RORA: variants seen among roughly 807,000 people sequenced by gnomAD.
The protein encoded by RORA is RAR related orphan receptor A.
Under a neutral mutation model 69.5 loss-of-function variants are expected in RORA, and 7 were observed. That is an observed-to-expected ratio of 0.10 (90% CI 0.06 to 0.19). The LOEUF is 0.19. Ranked by LOEUF, RORA falls within the 10% of genes least tolerant of loss-of-function variation. The probability of loss-of-function intolerance (pLI) is 1.00; values close to 1 mark genes in which losing one functional copy is unlikely to be tolerated. For synonymous variants in RORA, 261 were observed against 240.8 expected (o/e 1.08, Z -0.78); for missense variants, 457 against 663.0 (o/e 0.69, Z 3.41).
intron 2 of RORA, among the ~76,000 whole-genome samples, chr15:60,635,748 C>T (rs967553515): frequency 5.3e-5 from 8 of 152,108 alleles, no homozygotes; most frequent in African/African-American, 9.7e-5. Context: ...AACAGAGACA[C>T]GCTGAAGATC....
At chr15:61,088,791 A>G (rs975103085) in intron 1 of RORA, among the ~76,000 whole-genome samples, 6 of 152,182 alleles carry the variant, frequency 3.9e-5, no homozygotes, top group Admixed American at 1.3e-4. Flanking sequence ...TCTTTAAAAA[A>G]TTCTATCTAA....
chr15:60,627,553 C>T, intron 2 of RORA: 2 of 1,356,946 alleles, frequency 1.5e-6, no homozygotes, highest in Non-Finnish European at 1.9e-6. Flanking sequence ...CAGTGGAATC[C>T]CAGCCACAAA....
At position 60,511,550 on chromosome 15, in the gene RORA, G is replaced by C; in HGVS notation, c.496C>G (p.Gln166Glu). Reference protein sequence around the residue: ...LYAEVQKHRMQQQQRDHQQQP... With the variant: ...LYAEVQKHRMEQQQRDHQQQP... ...TGCTGGTGGTCGCGCTGCTGCTGCT[G>C]CATCCGGTGTTTCTGTACTTCTGCA... Residue 166 changes from glutamine to glutamate, a missense_variant, in exon 5 of 11, where the codon CAG (glutamine) becomes GAG (glutamate). Gln to Glu is a conservative substitution (Grantham distance 29, BLOSUM62 2). Transcript: ENST00000335670. The surrounding 1 kb of genome is among the most constrained non-coding windows in gnomAD (Gnocchi z 6.4). The C allele has an allele frequency of 6.2e-7, 1 of 1,613,980 alleles. No individual in the cohort carries two copies. Among genetic ancestry groups the C allele is most frequent in the Non-Finnish European group, 8.5e-7 (1 of 1,179,902 alleles).
chr15:60,891,036 AG>A (rs1286716641), intron 1 of RORA, among the ~76,000 whole-genome samples: 1 of 152,218 alleles, frequency 6.6e-6, no homozygotes, highest in African/African-American at 2.4e-5. Context: ...CCCACACCAC[AG>A]CTAATGTTCA....
chr15:60,547,827 G>A (rs914709926), intron 2 of RORA: 2 of 152,210 alleles, frequency 1.3e-5, no homozygotes, highest in African/African-American at 2.4e-5. Flanking sequence ...GGCAGTGACA[G>A]CGTTATGGGC....
chr15:60,574,432 C>CGA (rs2067969394), intron 2 of RORA, among the ~76,000 whole-genome samples: 1 of 152,214 alleles, frequency 6.6e-6, no homozygotes, highest in Non-Finnish European at 1.5e-5. Context: ...GCAAGTTCTT[C>CGA]TTCCATCAGC....
intron 1 of RORA, among the ~76,000 whole-genome samples, chr15:61,011,482 T>C (rs1031322000): frequency 6.6e-6 from 1 of 152,142 alleles, no homozygotes; most frequent in Non-Finnish European, 1.5e-5. Flanking sequence ...GTGAGCATAG[T>C]TGGCTTGAAA....
At chr15:60,916,345 G>A (rs990442056) in intron 1 of RORA, among the ~76,000 whole-genome samples, 9 of 152,214 alleles carry the variant, frequency 5.9e-5, no homozygotes, top group African/African-American at 2.2e-4. Context: ...GGAAACAAGG[G>A]AAGAGACCCT....
intron 1 of RORA, among the ~76,000 whole-genome samples, chr15:61,110,393 CA>C (rs11343941): frequency 0.22 from 25,422 of 113,514 alleles, 2,080 homozygotes; most frequent in South Asian, 0.27. Flanking sequence ...GACTCAGTCT[CA>C]AAAAAAAAAA....
At chr15:61,117,908 C>T (rs769547447) in intron 1 of RORA, among the ~76,000 whole-genome samples, 1 of 152,174 alleles carries the variant, frequency 6.6e-6, no homozygotes, top group African/African-American at 2.4e-5. Flanking sequence ...AAAGAATTAG[C>T]TTAAACACCT....
chr15:60,916,816 G>C (rs970074659), intron 1 of RORA, among the ~76,000 whole-genome samples: 1 of 152,166 alleles, frequency 6.6e-6, no homozygotes, highest in Non-Finnish European at 1.5e-5. Context: ...TTAACTGCAC[G>C]GTGAGCCCTG....
intron 1 of RORA, among the ~76,000 whole-genome samples, chr15:60,787,825 A>G (rs1182225064): frequency 6.6e-6 from 1 of 152,242 alleles, no homozygotes; most frequent in Non-Finnish European, 1.5e-5. Context: ...CAAGGCATTG[A>G]GGAAAGAGTG....
In RORA at chr15:60,780,343, G is replaced by A. The variant is rs75526703; in HGVS notation, c.167-101657C>T. On this transcript the variant is annotated intron_variant, in intron 1 of 10. Transcript: ENST00000335670. ...GTTCCACATGGACTGGTGATGTGCA[G>A]ACAGGCCTGGGAACCACTGGGCTGG... Among the ~76,000 whole-genome samples, 1,116 of 152,284 alleles carry A rather than the reference G, an allele frequency of 7.3e-3. 24 individuals are homozygous for A. The highest frequency in any genetic ancestry group is 0.025 in the African/African-American group (1,030 of 41,548).
intron 1 of RORA, among the ~76,000 whole-genome samples, chr15:61,186,640 CAAAAAAAAAA>C (rs58380679): frequency 4.1e-4 from 28 of 67,588 alleles, no homozygotes; most frequent in African/African-American, 9.5e-4. Flanking sequence ...GACCCTGACT[CAAAAAAAAAA>C]AAAAAAAAAA....
At chr15:60,574,436 C>T (rs2067969532) in intron 2 of RORA, among the ~76,000 whole-genome samples, 1 of 152,188 alleles carries the variant, frequency 6.6e-6, no homozygotes, top group Admixed American at 6.5e-5. Context: ...GTTCTTCTTC[C>T]ATCAGCCCCC....
chr15:61,150,743 A>G (rs1436494271), intron 1 of RORA, among the ~76,000 whole-genome samples: 1 of 152,196 alleles, frequency 6.6e-6, no homozygotes, highest in Admixed American at 6.5e-5. Context: ...AAACATATGG[A>G]AAGCAGTTTG....
intron 1 of RORA, among the ~76,000 whole-genome samples, chr15:61,202,808 T>C (rs962092896): frequency 1.3e-5 from 2 of 152,014 alleles, no homozygotes; most frequent in African/African-American, 4.8e-5. Context: ...AGTAGGCCCA[T>C]ATGAGAAGCT....
intron 1 of RORA, among the ~76,000 whole-genome samples, chr15:60,831,625 T>C (rs1758398932): frequency 6.6e-6 from 1 of 152,150 alleles, no homozygotes; most frequent in African/African-American, 2.4e-5. Flanking sequence ...CCCCACCTCA[T>C]TTGGGTATTT....
intron 1 of RORA, among the ~76,000 whole-genome samples, chr15:61,219,531 C>T (rs972897450): frequency 1.3e-5 from 2 of 152,046 alleles, no homozygotes; most frequent in African/African-American, 4.8e-5. Context: ...GCAGACATCA[C>T]GCCACTGCAC....
Sources: allele counts gnomAD v4.1 joint callset (sites outside exome capture counted in the v4.1 genomes callset), GRCh38; gene constraint gnomAD v4.1.1; non-coding constraint Gnocchi (gnomAD v3.1); transcripts MANE v1.5; gene names NCBI Gene and HGNC (gene_info 2026-07-23, HGNC 2026-07-21).